The following NUP35 variants were observed in gnomAD, a reference collection of about 807,000 sequenced individuals.
The protein encoded by NUP35 is nucleoporin 35.
Under a neutral mutation model 41.5 loss-of-function variants are expected in NUP35, and 25 were observed. The ratio of observed to expected loss-of-function variants is 0.60; its 90% CI spans 0.44 to 0.84. NUP35 has a LOEUF of 0.84. Ranked by LOEUF, NUP35 falls within the 40% of genes least tolerant of loss-of-function variation. The pLI is 0.00. For missense variants in NUP35, 396 were observed against 396.6 expected (o/e 1.00, Z 0.01); for synonymous variants, 149 against 130.7 (o/e 1.14, Z -0.96).
In NUP35 at chr2:183,161,366, G is replaced by A; in HGVS notation, c.*235G>A. The A allele has an allele frequency of 3.0e-6, 1 of 332,694 alleles. No individual in the cohort carries two copies. Among genetic ancestry groups the A allele is most frequent in the Non-Finnish European group, 5.6e-6 (1 of 178,090 alleles). 20.6% of individuals were successfully genotyped at this position (332,694 alleles called of 1,614,324 possible). ...CTGTAAATAGGATTTTGTGCTTTCT[G>A]TAACAGTGCATGCTTCAGCACAGAA... On this transcript the variant is annotated 3_prime_UTR_variant, in exon 9 of 9. Transcript: ENST00000295119.
intron 4 of NUP35, among the ~76,000 whole-genome samples, chr2:183,146,579 A>G (rs1685285421): frequency 6.6e-6 from 1 of 151,932 alleles, no homozygotes; most frequent in African/African-American, 2.4e-5. Context: ...AGCCTTATCA[A>G]CATTCTTACA....
intron 5 of NUP35, among the ~76,000 whole-genome samples, chr2:183,152,268 A>T (rs1685498701): frequency 6.6e-6 from 1 of 152,142 alleles, no homozygotes; most frequent in South Asian, 2.1e-4. Context: ...AAAACTTTAA[A>T]ATGCCTTTTT....
intron 4 of NUP35, among the ~76,000 whole-genome samples, chr2:183,135,022 T>C (rs1684827711): frequency 6.6e-6 from 1 of 152,200 alleles, no homozygotes. Flanking sequence ...AGCAACTTTG[T>C]AACTCTTTGA....
intron 7 of NUP35, among the ~76,000 whole-genome samples, chr2:183,159,218 C>T (rs950863625): frequency 6.6e-6 from 1 of 152,026 alleles, no homozygotes; most frequent in Non-Finnish European, 1.5e-5. Flanking sequence ...GCTGATTTTT[C>T]ATAGTGTTTT....
chr2:183,140,777 C>T (rs1200751055), intron 4 of NUP35, among the ~76,000 whole-genome samples: 1 of 148,476 alleles, frequency 6.7e-6, no homozygotes, highest in Non-Finnish European at 1.5e-5. Flanking sequence ...GAGCCGAGAT[C>T]GCACCACTGC....
intron 3 of NUP35, among the ~76,000 whole-genome samples, chr2:183,131,813 A>G (rs1390760183): frequency 6.6e-6 from 1 of 152,130 alleles, no homozygotes; most frequent in African/African-American, 2.4e-5. Flanking sequence ...TGTACTTTTA[A>G]AATGTGCCTA....
chr2:183,130,347 A>G (rs9333281), intron 2 of NUP35, 71 bp from the exon 3 acceptor site: 73,684 of 1,455,488 alleles, frequency 0.051, 2,426 homozygotes, highest in South Asian at 0.14. Context: ...CAGTATTTCA[A>G]AAATATAAAT....
intron 4 of NUP35, among the ~76,000 whole-genome samples, chr2:183,137,184 T>C (rs1446194209): frequency 6.6e-6 from 1 of 152,196 alleles, no homozygotes; most frequent in African/African-American, 2.4e-5. Flanking sequence ...TTTTCAGCCA[T>C]GTAACTGAGG....
upstream of NUP35, among the ~76,000 whole-genome samples, chr2:183,121,560 G>A (rs531888957): frequency 8.5e-5 from 13 of 152,192 alleles, no homozygotes; most frequent in South Asian, 8.3e-4. Flanking sequence ...AGGGCTGGGC[G>A]CGGTGGCTCA....
intron 4 of NUP35, among the ~76,000 whole-genome samples, chr2:183,138,269 A>ATATAT: frequency 1.2e-5 from 1 of 80,696 alleles, no homozygotes; most frequent in African/African-American, 6.2e-5. Context: ...ATATATATAT[A>ATATAT]TTTTTTTTTT....
intron 4 of NUP35, among the ~76,000 whole-genome samples, chr2:183,144,465 T>G (rs1685208046): frequency 6.6e-6 from 1 of 152,232 alleles, no homozygotes; most frequent in Non-Finnish European, 1.5e-5. Context: ...TTTCCAAGTT[T>G]CATTTGGCTC....
At chr2:183,154,431 A>G (rs1356921536) in intron 5 of NUP35, among the ~76,000 whole-genome samples, 1 of 152,182 alleles carries the variant, frequency 6.6e-6, no homozygotes, top group Non-Finnish European at 1.5e-5. Flanking sequence ...CACCTTTTGA[A>G]TGCTTTGCTG....
At chr2:183,131,727 T>G (rs1483502314) in intron 3 of NUP35, among the ~76,000 whole-genome samples, 2 of 152,194 alleles carry the variant, frequency 1.3e-5, no homozygotes, top group African/African-American at 4.8e-5. Context: ...GGTATCTTAT[T>G]TTTTTATGTT....
chr2:183,133,784 C>T (rs969976739), intron 4 of NUP35, among the ~76,000 whole-genome samples, 161 bp downstream of exon 4: 6 of 151,842 alleles, frequency 4.0e-5, no homozygotes, highest in Non-Finnish European at 8.8e-5. Context: ...TTGGTAACTG[C>T]CAAAATTTTT....
chr2:183,130,406 TGTACACTG>T lies in NUP35; in HGVS notation c.212-11_212-4del. ...GAATCCCTTTTTTTTTTTTTTTTTTTGTACACTGTAGGTGGGTCACCACCACAACCAGT... is the reference window on the plus strand; with the variant it reads ...GAATCCCTTTTTTTTTTTTTTTTTTTTAGGTGGGTCACCACCACAACCAGT... On this transcript the variant is annotated splice_polypyrimidine_tract_variant and splice_region_variant and intron_variant, in intron 2 of 8. Coordinates refer to ENST00000295119, the MANE Select transcript of NUP35 (RefSeq NM_138285.5). 1 of 1,199,578 alleles carries T rather than the reference TGTACACTG, an allele frequency of 8.3e-7. No individual in the cohort carries two copies. The highest frequency in any genetic ancestry group is 1.1e-6 in the Non-Finnish European group (1 of 925,966). 74.3% of individuals were successfully genotyped at this position (1,199,578 alleles called of 1,614,324 possible). A position where few individuals can be genotyped will look rare whatever the true frequency, so the allele number is the denominator to read the frequency against.
intron 3 of NUP35, among the ~76,000 whole-genome samples, chr2:183,132,895 G>C (rs570308906): frequency 4.1e-4 from 63 of 152,254 alleles, no homozygotes; most frequent in African/African-American, 1.5e-3. Flanking sequence ...TTTAGTTCTG[G>C]TTGCTAAATG....
chr2:183,153,729 T>C (rs1004922468), intron 5 of NUP35, among the ~76,000 whole-genome samples: 1 of 151,950 alleles, frequency 6.6e-6, no homozygotes, highest in African/African-American at 2.4e-5. Flanking sequence ...AGGCACAGAG[T>C]GCAAGCTGTC....
intron 4 of NUP35, among the ~76,000 whole-genome samples, chr2:183,147,805 G>A (rs1452065505): frequency 1.3e-5 from 2 of 152,092 alleles, no homozygotes; most frequent in East Asian, 1.9e-4. Context: ...ATCTATGAGC[G>A]TGGAATGTTT....
chr2:183,127,927 A>G (rs1684553182), intron 1 of NUP35, among the ~76,000 whole-genome samples: 1 of 152,024 alleles, frequency 6.6e-6, no homozygotes, highest in African/African-American at 2.4e-5. Context: ...TACAAAAATT[A>G]GCTGGGCGTG....
Sources: gnomAD v4.1 joint callset for allele counts (sites outside exome capture counted in the v4.1 genomes callset) on GRCh38, gnomAD v4.1.1 for gene constraint, MANE v1.5 for transcripts, NCBI Gene and HGNC (gene_info 2026-07-23, HGNC 2026-07-21) for gene names.